MAN2A1: variants seen among roughly 807,000 people sequenced by gnomAD.
MAN2A1 encodes the protein mannosidase alpha class 2A member 1.
A neutral mutation model predicts 142.6 loss-of-function variants in MAN2A1; 76 were observed. The observed-to-expected ratio is 0.53, with a 90% confidence interval of 0.44 to 0.65. The LOEUF is 0.65. Among genes scored for constraint, MAN2A1 ranks in the 30% least tolerant of loss-of-function variants. The probability of loss-of-function intolerance (pLI) is 0.00; values close to 1 mark genes in which losing one functional copy is unlikely to be tolerated. For missense variants in MAN2A1, 1,311 were observed against 1,365.1 expected, an observed-to-expected ratio of 0.96 and a Z score of 0.62; for synonymous variants, 559 against 473.2, an observed-to-expected ratio of 1.18 and a Z score of -2.35.
intron 20 of MAN2A1, among the ~76,000 whole-genome samples, chr5:109,860,865 A>T (rs1202761702): frequency 6.6e-6 from 1 of 152,178 alleles, no homozygotes; most frequent in Non-Finnish European, 1.5e-5. Context: ...TTATAGTTTT[A>T]TCTCTGCTGG....
chr5:109,783,859 A>G (rs1436630722), intron 9 of MAN2A1, among the ~76,000 whole-genome samples: 2 of 151,900 alleles, frequency 1.3e-5, no homozygotes, highest in Admixed American at 6.6e-5. Context: ...TTTAAAATAT[A>G]CTACAAAGGA....
chr5:109,855,040 T>C, intron 19 of MAN2A1, 100 bp from the exon 20 acceptor site: 1 of 545,390 alleles, frequency 1.8e-6, no homozygotes, highest in South Asian at 5.2e-5. Context: ...GAAACCAAAT[T>C]ATTCATATAT....
chr5:109,717,944 A>G (rs1406143253), intron 3 of MAN2A1, among the ~76,000 whole-genome samples: 2 of 152,244 alleles, frequency 1.3e-5, no homozygotes, highest in Non-Finnish European at 2.9e-5. Flanking sequence ...ATCTTTGATT[A>G]CTAGACTCAC....
In MAN2A1 at chr5:109,867,088, T is replaced by C. The variant is rs564986716; in HGVS notation, c.*90T>C. 8.0e-6 allele frequency: 8 copies of C among 997,526 alleles called. No homozygotes were observed. In the South Asian group the frequency reaches 1.7e-4, roughly 21 times the overall value. 61.8% of individuals were successfully genotyped at this position (997,526 alleles called of 1,614,324 possible). On this transcript the variant is annotated 3_prime_UTR_variant, in exon 22 of 22. Coordinates refer to ENST00000261483, the MANE Select transcript of MAN2A1 (RefSeq NM_002372.4). ...TAAAGAAGCACATTATTTTAGCTTC[T>C]GGCTACTGTGAGAACATGAATTCTG...
intron 1 of MAN2A1, among the ~76,000 whole-genome samples, chr5:109,694,409 C>T (rs1361635882): frequency 6.6e-6 from 1 of 151,674 alleles, no homozygotes; most frequent in Non-Finnish European, 1.5e-5. Flanking sequence ...GATGGAATCA[C>T]AGCTTACTGC....
intron 4 of MAN2A1, among the ~76,000 whole-genome samples, chr5:109,732,502 C>T (rs950690075): frequency 2.6e-5 from 4 of 152,200 alleles, no homozygotes; most frequent in East Asian, 1.9e-4. Flanking sequence ...TTAGGTCTAA[C>T]GTTTAAGTCT....
chr5:109,739,761 C>CTCA (rs376271709), intron 4 of MAN2A1, among the ~76,000 whole-genome samples: 1 of 152,264 alleles, frequency 6.6e-6, no homozygotes, highest in East Asian at 1.9e-4. Flanking sequence ...TACTGGCTGA[C>CTCA]CAGCATCCAC....
rs11351742 is a variant in MAN2A1, at chr5:109,867,157, GAAAAAA to G, written c.*175_*180del. The G allele has an allele frequency of 1.2e-4, 11 of 93,824 alleles. No homozygotes were observed. The highest frequency in any genetic ancestry group is 3.4e-4 in the East Asian group (1 of 2,942). The allele number at this position is 93,824 out of a possible 1,614,324, so 5.8% of individuals were successfully genotyped here. Reference sequence around the variant, plus strand: ...CTTTTTTCTTTTACCAGTACAGTAAGAAAAAAAAAAAAAAAAAAAAAGCCATGCTAT... The same window carrying G: ...CTTTTTTCTTTTACCAGTACAGTAAGAAAAAAAAAAAAAAAGCCATGCTAT... On this transcript the variant is annotated 3_prime_UTR_variant, in exon 22 of 22. Coordinates refer to ENST00000261483, the MANE Select transcript of MAN2A1 (RefSeq NM_002372.4).
At chr5:109,708,146 T>A (rs745404143) in intron 1 of MAN2A1, among the ~76,000 whole-genome samples, 2 of 152,124 alleles carry the variant, frequency 1.3e-5, no homozygotes, top group Non-Finnish European at 2.9e-5. Context: ...GATAAACAGT[T>A]GGCAGGAGGA....
intron 19 of MAN2A1, chr5:109,853,958 A>G (rs530776833): frequency 5.8e-4 from 88 of 152,170 alleles, no homozygotes; most frequent in African/African-American, 2.0e-3. Flanking sequence ...ATGTAATGAC[A>G]TCTAATGTTA....
At chr5:109,812,608 T>A (rs1433247548) in intron 12 of MAN2A1, among the ~76,000 whole-genome samples, 1 of 152,178 alleles carries the variant, frequency 6.6e-6, no homozygotes, top group Non-Finnish European at 1.5e-5. Flanking sequence ...TTTTTTAATA[T>A]GTTGTCATTG....
At chr5:109,837,958 C>G (rs1049842100) in intron 16 of MAN2A1, among the ~76,000 whole-genome samples, 2 of 151,964 alleles carry the variant, frequency 1.3e-5, no homozygotes, top group African/African-American at 4.8e-5. Context: ...AACAGTGATT[C>G]AGTACTTACC....
rs560904541 is a variant in MAN2A1 at position 109,817,324 on chromosome 5, A to G, written c.1995A>G (p.Ser665=). 1.9e-6 allele frequency: 3 copies of G among 1,614,140 alleles called. No homozygotes were observed. Among genetic ancestry groups the G allele is most frequent in the South Asian group, 1.1e-5 (1 of 91,082 alleles). The change falls in exon 13 of 22, where the codon TCA becomes TCG. Residue 665 remains serine, a synonymous_variant. Transcript: ENST00000261483. ...PLEQDRISLV[S]VYVSSPTVQV... ...AACAAGACCGAATCTCGTTGGTCTCAGTCTATGTGAGTTCCCCGACAGTGC... is the reference window on the plus strand; with the variant it reads ...AACAAGACCGAATCTCGTTGGTCTCGGTCTATGTGAGTTCCCCGACAGTGC...
At chr5:109,794,794 A>G (rs1582904154) in intron 12 of MAN2A1, among the ~76,000 whole-genome samples, 1 of 152,258 alleles carries the variant, frequency 6.6e-6, no homozygotes, top group East Asian at 1.9e-4. Flanking sequence ...ACTGTCCTCT[A>G]GGATGCTTTT....
At chr5:109,801,080 T>A (rs1754016365) in intron 12 of MAN2A1, among the ~76,000 whole-genome samples, 2 of 152,214 alleles carry the variant, frequency 1.3e-5, no homozygotes, top group Admixed American at 1.3e-4. Flanking sequence ...CTGAACTGCA[T>A]ACAACAGAAA....
intron 4 of MAN2A1, among the ~76,000 whole-genome samples, chr5:109,736,792 C>G (rs912399523): frequency 6.6e-6 from 1 of 152,006 alleles, no homozygotes; most frequent in Non-Finnish European, 1.5e-5. Flanking sequence ...GACCTATCTG[C>G]TTTCATCTTT....
intron 16 of MAN2A1, among the ~76,000 whole-genome samples, chr5:109,835,360 G>A (rs1300034832): frequency 6.6e-6 from 1 of 152,164 alleles, no homozygotes; most frequent in Non-Finnish European, 1.5e-5. Context: ...GAAAGGAGAT[G>A]AGAGCAACAA....
intron 4 of MAN2A1, among the ~76,000 whole-genome samples, chr5:109,749,993 A>G (rs954096898): frequency 6.6e-6 from 1 of 152,028 alleles, no homozygotes; most frequent in African/African-American, 2.4e-5. Context: ...GGCTTTAAGT[A>G]TGGTCCTTTT....
At chr5:109,736,152 T>G (rs1294147016) in intron 4 of MAN2A1, among the ~76,000 whole-genome samples, 1 of 152,100 alleles carries the variant, frequency 6.6e-6, no homozygotes, top group Non-Finnish European at 1.5e-5. Context: ...TTTAGATTAA[T>G]ATACCAGGAT....
Sources: allele counts gnomAD v4.1 joint callset (sites outside exome capture counted in the v4.1 genomes callset), GRCh38; gene constraint gnomAD v4.1.1; transcripts MANE v1.5; gene names NCBI Gene and HGNC (gene_info 2026-07-23, HGNC 2026-07-21).